Variants in CNTFR observed in about 807,000 individuals in gnomAD.
CNTFR encodes the protein ciliary neurotrophic factor receptor subunit alpha.
Under a neutral mutation model 40.4 loss-of-function variants are expected in CNTFR, and 12 were observed. The observed-to-expected ratio is 0.30, with a 90% CI of 0.19 to 0.48. The LOEUF is 0.48. CNTFR is among the 20% of genes least tolerant of loss of function. The pLI is 0.99. For synonymous variants in CNTFR, 202 were observed against 209.6 expected (o/e 0.96, Z 0.31); for missense variants, 414 against 506.8 (o/e 0.82, Z 1.76).
intron 2 of CNTFR, among the ~76,000 whole-genome samples, chr9:34,573,443 C>G (rs1826781789): frequency 6.6e-6 from 1 of 152,198 alleles, no homozygotes; most frequent in Non-Finnish European, 1.5e-5. Context: ...TCAGTCTGGC[C>G]TGGACAATGA....
chr9:34,569,002 G>C (rs763996882), intron 2 of CNTFR, 21 bp from the exon 3 acceptor site: 8 of 1,569,592 alleles, frequency 5.1e-6, no homozygotes, highest in Non-Finnish European at 6.9e-6. Context: ...AAACCGGGGT[G>C]GGGGAGGGGT....
chr9:34,551,757 C>A lies in CNTFR; in HGVS notation c.*314G>T. 1.8e-6 allele frequency: 1 copy of A among 562,988 alleles called. No individual in the cohort carries two copies. The highest frequency in any genetic ancestry group is 3.2e-6 in the Non-Finnish European group (1 of 314,334). The allele number at this position is 562,988 out of a possible 1,614,324, so 34.9% of individuals were successfully genotyped here. A position where few individuals can be genotyped will look rare whatever the true frequency, so the allele number is the denominator to read the frequency against. Reference sequence around the variant, plus strand: ...GGAGAAATCGGATGTGAGAGGCTCCCCTCACGTCCCCCAAGGGCTCCTGGG... The same window carrying A: ...GGAGAAATCGGATGTGAGAGGCTCCACTCACGTCCCCCAAGGGCTCCTGGG... On this transcript the variant is annotated 3_prime_UTR_variant, in exon 10 of 10. Transcript: ENST00000378980.
At chr9:34,561,240 T>G (rs1292916005) in intron 4 of CNTFR, among the ~76,000 whole-genome samples, 3 of 152,144 alleles carry the variant, frequency 2.0e-5, no homozygotes, top group Non-Finnish European at 4.4e-5. Context: ...CTCTCCTCAC[T>G]CTTTCCTTTC....
chr9:34,575,057 G>A (rs912190525), intron 2 of CNTFR, among the ~76,000 whole-genome samples: 1 of 152,208 alleles, frequency 6.6e-6, no homozygotes, highest in Non-Finnish European at 1.5e-5. Flanking sequence ...TCTAGATGCA[G>A]AAGGCCTGGG....
chr9:34,575,670 C>CA lies in CNTFR; in HGVS notation c.-1+5424_-1+5425insT, dbSNP rs567628969. On this transcript the variant is annotated intron_variant, in intron 2 of 9. Transcript: ENST00000378980. Reference sequence around the variant, plus strand: ...CCATGCAAGCAAGCTCACACACACACCCACCCACCCACCCACCCACACACA... The same window carrying CA: ...CCATGCAAGCAAGCTCACACACACACACCACCCACCCACCCACCCACACACA... Among the ~76,000 whole-genome samples, 886 of 135,124 alleles carry CA rather than the reference C, an allele frequency of 6.6e-3. 9 individuals carry two copies. The highest frequency in any genetic ancestry group is 0.023 in the African/African-American group (841 of 36,058). The allele number at this position is 135,124 out of a possible 152,430, so 88.6% of individuals were successfully genotyped here.
At position 34,552,701 on chromosome 9, in the gene CNTFR, G is replaced by T; in HGVS notation, c.922C>A (p.His308Asn). The change falls in exon 8 of 10, where the codon CAC (histidine) becomes AAC (asparagine). Residue 308 changes from histidine (H) to asparagine (N), a missense_variant. Transcript: ENST00000378980. The surrounding 1 kb of genome is among the most constrained non-coding windows in gnomAD (Gnocchi z 5.1). Reference protein sequence around the residue: ...HATPWTEEPRHLTTEAQAAET... With the variant: ...HATPWTEEPRNLTTEAQAAET... ...GCAGCCTGGGCCTCCGTGGTGAGGT[G>T]TCGCGGTTCCTCAGTCCAGGGCGTA... is the stretch of plus-strand genomic sequence containing the variant. The T allele has an allele frequency of 6.2e-7, 1 of 1,613,644 alleles. No homozygotes were observed.
At chr9:34,576,464 C>T (rs1302749119) in intron 2 of CNTFR, among the ~76,000 whole-genome samples, 1 of 152,224 alleles carries the variant, frequency 6.6e-6, no homozygotes, top group Non-Finnish European at 1.5e-5. Context: ...ACATACACAC[C>T]CTGAACAGCC....
intron 2 of CNTFR, among the ~76,000 whole-genome samples, chr9:34,579,234 G>A (rs1056622315): frequency 6.6e-6 from 1 of 152,050 alleles, no homozygotes; most frequent in African/African-American, 2.4e-5. Context: ...GGAGGGAGGG[G>A]GATCCACGCT....
chr9:34,582,119 C>CA (rs1174156742), intron 1 of CNTFR, among the ~76,000 whole-genome samples: 1 of 151,822 alleles, frequency 6.6e-6, no homozygotes, highest in Non-Finnish European at 1.5e-5. Context: ...ACCAAAAATA[C>CA]AAAAAATTAG....
intron 4 of CNTFR, among the ~76,000 whole-genome samples, chr9:34,559,503 T>C (rs6476453): frequency 0.48 from 73,584 of 152,084 alleles, 18,108 homozygotes; most frequent in African/African-American, 0.56. Context: ...TTCCACTGTG[T>C]GCCTCCCTTG....
At chr9:34,570,407 G>A (rs945232265) in intron 2 of CNTFR, among the ~76,000 whole-genome samples, 3 of 152,222 alleles carry the variant, frequency 2.0e-5, no homozygotes, top group Non-Finnish European at 4.4e-5. Context: ...CACTGCCGAA[G>A]GACGAGCAAG....
chr9:34,579,802 A>G (rs1222084782), intron 2 of CNTFR, among the ~76,000 whole-genome samples: 1 of 152,088 alleles, frequency 6.6e-6, no homozygotes, highest in East Asian at 1.9e-4. Context: ...TGTTAAATTA[A>G]AAAGCTGTTT....
At chr9:34,575,878 AG>A (rs1255987354) in intron 2 of CNTFR, among the ~76,000 whole-genome samples, 3 of 152,160 alleles carry the variant, frequency 2.0e-5, no homozygotes, top group Admixed American at 1.3e-4. Context: ...GCTACTTCTG[AG>A]GAGCCTCCTG....
intron 4 of CNTFR, among the ~76,000 whole-genome samples, chr9:34,560,654 G>A (rs995487611): frequency 1.3e-5 from 2 of 152,252 alleles, no homozygotes; most frequent in Non-Finnish European, 2.9e-5. Context: ...GCATGTTAAA[G>A]AGAGTGTGTG....
chr9:34,590,166 G>GCACA (rs3840739), upstream of CNTFR: 2,096 of 150,644 alleles, frequency 0.014, 56 homozygotes, highest in East Asian at 0.077. Context: ...ACGCGCGCGC[G>GCACA]CACACACACA....
intron 4 of CNTFR, 87 bp from the exon 5 acceptor site, chr9:34,558,071 G>C: frequency 1.0e-6 from 1 of 962,576 alleles, no homozygotes; most frequent in Non-Finnish European, 1.5e-6. Context: ...CAGAGCCCCA[G>C]CTCTCCCCCC....
At chr9:34,572,643 T>C (rs758589688) in intron 2 of CNTFR, among the ~76,000 whole-genome samples, 26 of 152,176 alleles carry the variant, frequency 1.7e-4, no homozygotes, top group Admixed American at 4.6e-4. Flanking sequence ...AAGAGTCAAA[T>C]TCTGGGGCCC....
rs1571402 is a variant in CNTFR, at chr9:34,572,827, G to T, written c.1-3846C>A. Among the ~76,000 whole-genome samples, 3 of 152,252 alleles carry T rather than the reference G, an allele frequency of 2.0e-5. No homozygotes were observed. The East Asian group carries it at 5.8e-4, about 29-fold the overall frequency. ...TCACATACATTGACACCAACAAACG[G>T]GGCAATGATACCAGTTGACACTGAC... On this transcript the variant is annotated intron_variant, in intron 2 of 9. Transcript: ENST00000378980.
At chr9:34,559,308 G>A (rs987604396) in intron 4 of CNTFR, among the ~76,000 whole-genome samples, 2 of 152,236 alleles carry the variant, frequency 1.3e-5, no homozygotes, top group East Asian at 3.9e-4. Context: ...GAGGGGCCTG[G>A]GGCAGAACCC....
Sources: allele counts gnomAD v4.1 joint callset (sites outside exome capture counted in the v4.1 genomes callset), GRCh38; gene constraint gnomAD v4.1.1; non-coding constraint Gnocchi (gnomAD v3.1); transcripts MANE v1.5; gene names NCBI Gene and HGNC (gene_info 2026-07-23, HGNC 2026-07-21).